The following PSMC2 variants were observed in gnomAD, a reference collection of about 807,000 sequenced individuals.
The protein encoded by PSMC2 is proteasome 26S subunit, ATPase 2.
PSMC2 carries 7 observed loss-of-function variants against 53.3 expected under a neutral mutation model. That is an observed-to-expected ratio of 0.13 (90% confidence interval 0.07 to 0.25). The LOEUF (loss-of-function observed/expected upper bound fraction) is 0.25, where lower values mean the gene tolerates loss of function less well. Among genes scored for constraint, PSMC2 ranks in the 10% least tolerant of loss-of-function variants. The pLI is 1.00. For missense variants in PSMC2, 241 were observed against 544.0 expected, an observed-to-expected ratio of 0.44 and a Z score of 5.54; for synonymous variants, 169 against 183.9, an observed-to-expected ratio of 0.92 and a Z score of 0.66.
At chr7:103,356,847 C>G (rs746189221) in intron 4 of PSMC2, among the ~76,000 whole-genome samples, 29 of 152,136 alleles carry the variant, frequency 1.9e-4, no homozygotes, top group Non-Finnish European at 3.8e-4. Flanking sequence ...TAGCCCAATT[C>G]AAGGCTATAA....
chr7:103,348,252 C>T (rs1036043873), intron 1 of PSMC2, among the ~76,000 whole-genome samples: 4 of 152,158 alleles, frequency 2.6e-5, no homozygotes, highest in African/African-American at 9.7e-5. Flanking sequence ...TGAAAAGCCT[C>T]GCATCCTTGG....
In PSMC2 at chr7:103,367,926, G is replaced by T; in HGVS notation, c.1174G>T (p.Ala392Ser). The T allele has an allele frequency of 6.2e-7, 1 of 1,613,962 alleles. No individual in the cohort carries two copies. The highest frequency in any genetic ancestry group is 1.1e-5 in the South Asian group (1 of 91,060). ...GAEIRSVCTE[A>S]GMFAIRARRK... The stretch of plus-strand genomic sequence containing the variant: ...TGAGATTAGAAGCGTCTGCACAGAG[G>T]CTGGTATGTTTGCCATCAGAGCACG... The change falls in exon 12 of 12, where the codon GCT becomes TCT. Residue 392 changes from alanine (A) to serine (S), a missense_variant. Ala to Ser is a moderately conservative substitution (Grantham distance 99). Transcript: ENST00000292644. The surrounding 1 kb of genome is among the most constrained non-coding windows in gnomAD (Gnocchi z 6.1).
At position 103,364,280 on chromosome 7, in the gene PSMC2, T is replaced by A; in HGVS notation, c.729T>A (p.Ser243=). The A allele has an allele frequency of 6.2e-7, 1 of 1,614,216 alleles. No homozygotes were observed. Among genetic ancestry groups the A allele is most frequent in the Non-Finnish European group, 8.5e-7 (1 of 1,180,040 alleles). ...CGTGCTTCATTCGAGTTATTGGATC[T>A]GAGCTTGTACAGAAATACGTCGGTG... is the stretch of plus-strand genomic sequence containing the variant. The part of the protein sequence containing the change: ...TDACFIRVIG[S]ELVQKYVGEG... The change falls in exon 8 of 12, where the codon TCT becomes TCA. Residue 243 remains serine, a synonymous_variant. Transcript: ENST00000292644.
In PSMC2 at chr7:103,368,015, C is replaced by G. The variant is rs200390723; in HGVS notation, c.1263C>G (p.Ala421=). The G allele has an allele frequency of 2.2e-5, 35 of 1,613,734 alleles. No homozygotes were observed. In the African/African-American group the frequency reaches 4.3e-4, roughly 20 times the overall value. Residue 421 remains alanine, a synonymous_variant, in exon 12 of 12, where the codon GCC becomes GCG. Coordinates refer to ENST00000292644, the MANE Select transcript of PSMC2 (RefSeq NM_002803.4). The part of the protein sequence containing the change: ...EAVNKVIKSY[A]KFSATPRYMT... ...TAAATAAGGTCATTAAGTCTTATGC[C>G]AAATTCAGTGCTACTCCTCGTTACA... is the stretch of plus-strand genomic sequence containing the variant.
chr7:103,361,725 A>T (rs1820426527), intron 4 of PSMC2, among the ~76,000 whole-genome samples: 1 of 152,188 alleles, frequency 6.6e-6, no homozygotes, highest in Non-Finnish European at 1.5e-5. Flanking sequence ...CTTCTTAATG[A>T]TGAGATATTT....
At chr7:103,363,685 G>A (rs574766305) in intron 7 of PSMC2, among the ~76,000 whole-genome samples, 19 of 152,278 alleles carry the variant, frequency 1.2e-4, no homozygotes, top group African/African-American at 3.6e-4. Flanking sequence ...GAGGCACAGT[G>A]TAACCTTTAG....
chr7:103,354,957 T>G lies in PSMC2; in HGVS notation c.190+8T>G. ...AAATTAATGAGCTCACTGGTATGTA[T>G]TTTTAAATTCCCATTTCCTTCCTTT... is the stretch of plus-strand genomic sequence containing the variant. On this transcript the variant is annotated splice_region_variant and intron_variant, in intron 3 of 11. Transcript: ENST00000292644. 6.4e-7 allele frequency: 1 copy of G among 1,566,394 alleles called. No individual in the cohort carries two copies. The highest frequency in any genetic ancestry group is 8.8e-7 in the Non-Finnish European group (1 of 1,137,512).
intron 4 of PSMC2, among the ~76,000 whole-genome samples, chr7:103,360,403 C>A (rs537788075): frequency 3.9e-5 from 6 of 152,148 alleles, no homozygotes; most frequent in Admixed American, 3.9e-4. Flanking sequence ...TCTTCCCTAG[C>A]AAACATGGTT....
chr7:103,347,566 G>C, upstream of PSMC2: 1 of 843,954 alleles, frequency 1.2e-6, no homozygotes, highest in Non-Finnish European at 2.0e-6. Flanking sequence ...TTTCCCCAGG[G>C]CTCTGTCCGG....
intron 3 of PSMC2, 88 bp from the exon 4 acceptor site, chr7:103,355,606 C>A: frequency 1.0e-6 from 1 of 981,886 alleles, no homozygotes; most frequent in Non-Finnish European, 1.6e-6. Context: ...TGATTCAGTG[C>A]AAAATATCAG....
chr7:103,353,870 T>A (rs79802159), intron 1 of PSMC2, 51 bp from the exon 2 acceptor site: 2 of 1,512,490 alleles, frequency 1.3e-6, no homozygotes, highest in East Asian at 4.5e-5. Context: ...TTTTTAAAAA[T>A]TTTAATTCTA....
At chr7:103,364,086 T>TATAC in intron 7 of PSMC2, 57 bp from the exon 8 acceptor site, 1 of 1,514,426 alleles carries the variant, frequency 6.6e-7, no homozygotes, top group Non-Finnish European at 9.0e-7. Context: ...GATTTAGAAG[T>TATAC]AGTCTGATTT....
intron 4 of PSMC2, among the ~76,000 whole-genome samples, chr7:103,360,492 C>T (rs2116210805): frequency 6.6e-6 from 1 of 152,292 alleles, no homozygotes; most frequent in Non-Finnish European, 1.5e-5. Flanking sequence ...CTCCTGGGCT[C>T]AAGTGATCCT....
intron 1 of PSMC2, chr7:103,348,905 A>C (rs1028327963): frequency 8.6e-6 from 4 of 465,620 alleles, no homozygotes; most frequent in African/African-American, 7.9e-5. Context: ...ACAAGTACAA[A>C]TTGTAGGATA....
chr7:103,361,510 CAA>C (rs759044767), intron 4 of PSMC2, among the ~76,000 whole-genome samples: 35 of 51,064 alleles, frequency 6.9e-4, no homozygotes, highest in Middle Eastern at 0.018. Flanking sequence ...AACTCCATCT[CAA>C]AAAAAAAAAA....
At chr7:103,352,472 C>A (rs971612838) in intron 1 of PSMC2, among the ~76,000 whole-genome samples, 2 of 146,582 alleles carry the variant, frequency 1.4e-5, no homozygotes, top group Non-Finnish European at 1.5e-5. Flanking sequence ...TGCAGTGGCA[C>A]AATCTCAGCT....
rs975206173 is a variant in PSMC2, at chr7:103,368,207, T to A, written c.*153T>A. The A allele has an allele frequency of 8.4e-6, 6 of 716,572 alleles. No homozygotes were observed. The African/African-American group carries it at 1.1e-4, about 13-fold the overall frequency. 44.4% of individuals were successfully genotyped at this position (716,572 alleles called of 1,614,324 possible). On this transcript the variant is annotated 3_prime_UTR_variant, in exon 12 of 12. Coordinates refer to ENST00000292644, the MANE Select transcript of PSMC2 (RefSeq NM_002803.4). ...ATATAATAAAAGGTGATTTCTAATGTTATTAGGCAGAAAAGCTTGTTAGAA... is the reference window on the plus strand; with the variant it reads ...ATATAATAAAAGGTGATTTCTAATGATATTAGGCAGAAAAGCTTGTTAGAA...
At chr7:103,365,401 G>A (rs957070630) in intron 8 of PSMC2, among the ~76,000 whole-genome samples, 1 of 151,860 alleles carries the variant, frequency 6.6e-6, no homozygotes, top group South Asian at 2.1e-4. Flanking sequence ...GGAGGCAGAG[G>A]CAGGCGGATC....
At chr7:103,364,520 C>T (rs1031727178) in intron 8 of PSMC2, among the ~76,000 whole-genome samples, 4 of 152,132 alleles carry the variant, frequency 2.6e-5, no homozygotes, top group African/African-American at 9.7e-5. Context: ...GGCGATCCTC[C>T]CATCTCAGCC....
Sources: gnomAD v4.1 joint callset for allele counts (sites outside exome capture counted in the v4.1 genomes callset) on GRCh38, gnomAD v4.1.1 for gene constraint, Gnocchi (gnomAD v3.1) non-coding constraint, MANE v1.5 for transcripts, NCBI Gene and HGNC (gene_info 2026-07-23, HGNC 2026-07-21) for gene names.